The following THSD7B variants were observed in gnomAD, a reference collection of about 807,000 sequenced individuals.
THSD7B encodes thrombospondin type 1 domain containing 7B, also known as thrombospondin type-1 domain-containing protein 7B.
In THSD7B, 138 loss-of-function variants were observed where a neutral mutation model predicts 213.6. The ratio of observed to expected loss-of-function variants is 0.65; its 90% CI spans 0.56 to 0.74. The LOEUF is 0.74. Ranked by LOEUF, THSD7B falls within the 30% of genes least tolerant of loss-of-function variation. THSD7B has a pLI of 0.00. For synonymous variants in THSD7B, 742 were observed against 687.0 expected (o/e 1.08, Z -1.25); for missense variants, 1,931 against 1,991.5 (o/e 0.97, Z 0.58).
intron 12 of THSD7B, among the ~76,000 whole-genome samples, chr2:137,287,344 A>G (rs1683204560): frequency 6.6e-6 from 1 of 152,156 alleles, no homozygotes; most frequent in Admixed American, 6.5e-5. Context: ...TTCAGATTAT[A>G]ACAAAAGGAT....
At chr2:137,429,557 A>G (rs1687130333) in intron 14 of THSD7B, among the ~76,000 whole-genome samples, 2 of 152,202 alleles carry the variant, frequency 1.3e-5, no homozygotes, top group South Asian at 4.1e-4. Flanking sequence ...ATAGGAATAG[A>G]CGTGTAAATT....
chr2:136,827,184 C>G (rs1419925455), intron 1 of THSD7B, among the ~76,000 whole-genome samples: 1 of 152,186 alleles, frequency 6.6e-6, no homozygotes, highest in Non-Finnish European at 1.5e-5. Context: ...CAGACTCTTG[C>G]AGGATTTCTG....
rs146078242 is a variant in THSD7B at position 137,243,565 on chromosome 2, C to G, written c.2266+993C>G. On this transcript the variant is annotated intron_variant, in intron 10 of 27. Transcript: ENST00000409968. ...TATGCAGTTCTGCAGAGAAAAAAGC[C>G]TGTCAGAGGTTTGCTTTCCTTGGAT... Among the ~76,000 whole-genome samples, 101 of 152,314 alleles carry G rather than the reference C, an allele frequency of 6.6e-4. 1 individual carries two copies. In the East Asian group the frequency reaches 0.012, roughly 18 times the overall value.
At chr2:137,118,382 T>C (rs1056326971) in intron 5 of THSD7B, among the ~76,000 whole-genome samples, 1 of 152,140 alleles carries the variant, frequency 6.6e-6, no homozygotes, top group Non-Finnish European at 1.5e-5. Context: ...ATGTATTCCA[T>C]GTATGGGAAT....
intron 15 of THSD7B, among the ~76,000 whole-genome samples, chr2:137,475,465 AC>A (rs1234820389): frequency 2.0e-5 from 3 of 151,836 alleles, no homozygotes; most frequent in Non-Finnish European, 2.9e-5. Context: ...CCACTAACCA[AC>A]CTCTCTTTAT....
intron 2 of THSD7B, among the ~76,000 whole-genome samples, chr2:136,994,773 A>G (rs1396635194): frequency 2.0e-5 from 3 of 152,212 alleles, no homozygotes; most frequent in Non-Finnish European, 4.4e-5. Flanking sequence ...AAGCATCAAT[A>G]CTAACATTCA....
chr2:137,181,213 A>G (rs1335514789), intron 7 of THSD7B, among the ~76,000 whole-genome samples: 1 of 152,202 alleles, frequency 6.6e-6, no homozygotes, highest in Non-Finnish European at 1.5e-5. Context: ...GAGATATGTG[A>G]AATCACAAAG....
chr2:137,210,016 T>C (rs1280495029), intron 7 of THSD7B, among the ~76,000 whole-genome samples: 1 of 152,034 alleles, frequency 6.6e-6, no homozygotes, highest in African/African-American at 2.4e-5. Context: ...AGTGAGGATA[T>C]AGCAAAAAAG....
At chr2:137,362,361 G>A (rs942922763) in intron 12 of THSD7B, among the ~76,000 whole-genome samples, 6 of 152,088 alleles carry the variant, frequency 3.9e-5, no homozygotes, top group South Asian at 2.1e-4. Flanking sequence ...TCATAATGAT[G>A]GGATCAAATT....
chr2:136,972,659 A>C (rs1194222466), intron 2 of THSD7B, among the ~76,000 whole-genome samples: 1 of 152,176 alleles, frequency 6.6e-6, no homozygotes, highest in Non-Finnish European at 1.5e-5. Flanking sequence ...GGTTCATTTA[A>C]TATACTTTAG....
chr2:137,418,831 C>G (rs1406378307), intron 14 of THSD7B, among the ~76,000 whole-genome samples: 1 of 152,102 alleles, frequency 6.6e-6, no homozygotes, highest in Non-Finnish European at 1.5e-5. Flanking sequence ...ATAATGACCT[C>G]CAGTTCAATC....
intron 5 of THSD7B, among the ~76,000 whole-genome samples, chr2:137,157,199 A>G (rs999045810): frequency 1.3e-5 from 2 of 152,186 alleles, no homozygotes; most frequent in Non-Finnish European, 2.9e-5. Flanking sequence ...AGTTATATGA[A>G]GCAGATTTAT....
At chr2:137,169,167 GA>G (rs58288399) in intron 6 of THSD7B, among the ~76,000 whole-genome samples, 43,112 of 118,114 alleles carry the variant, frequency 0.37, 6,588 homozygotes, top group Non-Finnish European at 0.4. Flanking sequence ...GTTATCTTAG[GA>G]AAAAAAAAAA....
intron 2 of THSD7B, among the ~76,000 whole-genome samples, chr2:137,000,075 G>A (rs1294914520): frequency 2.0e-5 from 3 of 152,118 alleles, no homozygotes; most frequent in Admixed American, 6.5e-5. Flanking sequence ...ACTGGCTATC[G>A]GTTTCTCTCT....
At chr2:137,470,273 A>C (rs1028323947) in intron 15 of THSD7B, among the ~76,000 whole-genome samples, 1 of 152,194 alleles carries the variant, frequency 6.6e-6, no homozygotes, top group Non-Finnish European at 1.5e-5. Flanking sequence ...ACCAAGGTTT[A>C]ATCTCTTCAC....
At chr2:137,535,946 A>G (rs1219776470) in intron 15 of THSD7B, among the ~76,000 whole-genome samples, 1 of 151,270 alleles carries the variant, frequency 6.6e-6, no homozygotes, top group Admixed American at 6.6e-5. Context: ...GCTGGAGTGG[A>G]TAAGGTACAG....
chr2:137,118,880 A>G (rs1482067015), intron 5 of THSD7B, among the ~76,000 whole-genome samples: 3 of 152,174 alleles, frequency 2.0e-5, no homozygotes, highest in Non-Finnish European at 4.4e-5. Context: ...GGGGAAAGAC[A>G]TGTTTTACGT....
intron 12 of THSD7B, among the ~76,000 whole-genome samples, chr2:137,282,373 T>C (rs1435298769): frequency 6.6e-6 from 1 of 152,232 alleles, no homozygotes; most frequent in East Asian, 1.9e-4. Context: ...ACTCTGATGG[T>C]AGTTTCTTTC....
intron 12 of THSD7B, among the ~76,000 whole-genome samples, chr2:137,352,452 G>T (rs1207359071): frequency 6.6e-6 from 1 of 151,922 alleles, no homozygotes; most frequent in Non-Finnish European, 1.5e-5. Flanking sequence ...TCTCTGTTGG[G>T]CCATCAGAGA....
Sources: allele counts gnomAD v4.1 joint callset (sites outside exome capture counted in the v4.1 genomes callset), GRCh38; gene constraint gnomAD v4.1.1; transcripts MANE v1.5; gene names NCBI Gene and HGNC (gene_info 2026-07-23, HGNC 2026-07-21).